SLC16A10: variants seen among roughly 807,000 people sequenced by gnomAD.
The protein encoded by SLC16A10 is solute carrier family 16 member 10, also known as monocarboxylate transporter 10.
SLC16A10 carries 27 observed loss-of-function variants against 40.0 expected under a neutral mutation model. That is an observed-to-expected ratio of 0.67 (90% CI 0.50 to 0.93). The LOEUF is 0.93. SLC16A10 is among the 40% of genes least tolerant of loss of function. The probability of loss-of-function intolerance (pLI) is 0.00; values close to 1 mark genes in which losing one functional copy is unlikely to be tolerated. For missense variants in SLC16A10, 529 were observed against 658.2 expected (o/e 0.80, Z 2.15); for synonymous variants, 213 against 249.8 (o/e 0.85, Z 1.39).
chr6:111,164,029 C>T (rs1772426657), intron 1 of SLC16A10, among the ~76,000 whole-genome samples: 1 of 152,146 alleles, frequency 6.6e-6, no homozygotes, highest in Non-Finnish European at 1.5e-5. Context: ...AAACCTTGTT[C>T]TTTTATTCTA....
rs562382826 is a variant in SLC16A10 at position 111,198,557 on chromosome 6, A to G, written c.943-8035A>G. ...TAGAGCCTATTGCTCCTAGGCTACA[A>G]ACCTGTACAGCATGTTACTGCACTG... On this transcript the variant is annotated intron_variant, in intron 3 of 5. Coordinates refer to ENST00000368851, the MANE Select transcript of SLC16A10 (RefSeq NM_018593.5). 2.6e-5 allele frequency among the ~76,000 whole-genome samples: 4 copies of G among 152,340 alleles called. No individual in the cohort carries two copies. The East Asian group carries it at 7.7e-4, about 29-fold the overall frequency.
At chr6:111,173,703 C>T (rs565236604) in intron 2 of SLC16A10, among the ~76,000 whole-genome samples, 3 of 152,188 alleles carry the variant, frequency 2.0e-5, no homozygotes, top group Admixed American at 1.3e-4. Context: ...AATCTAAATG[C>T]CTGATGATCT....
chr6:111,148,976 A>G (rs1393633710), intron 1 of SLC16A10, among the ~76,000 whole-genome samples: 3 of 152,132 alleles, frequency 2.0e-5, no homozygotes, highest in East Asian at 1.9e-4. Flanking sequence ...TTGATCGTCC[A>G]TGGTAGAATT....
intron 1 of SLC16A10, among the ~76,000 whole-genome samples, chr6:111,150,899 G>T (rs530629499): frequency 6.6e-6 from 1 of 152,254 alleles, no homozygotes; most frequent in African/African-American, 2.4e-5. Flanking sequence ...GCATATTTTT[G>T]ATCTCCACAA....
intron 1 of SLC16A10, among the ~76,000 whole-genome samples, chr6:111,162,748 G>A (rs1294865790): frequency 6.6e-6 from 1 of 152,146 alleles, no homozygotes. Flanking sequence ...TTACTCAATT[G>A]TTAAAAGCTA....
chr6:111,107,687 G>A (rs753972674), intron 1 of SLC16A10, among the ~76,000 whole-genome samples: 2 of 152,190 alleles, frequency 1.3e-5, no homozygotes, highest in Non-Finnish European at 2.9e-5. Flanking sequence ...TGATGCTGAA[G>A]ACAAAGCACA....
At chr6:111,169,267 G>A (rs1772538579) in intron 1 of SLC16A10, among the ~76,000 whole-genome samples, 1 of 152,216 alleles carries the variant, frequency 6.6e-6, no homozygotes, top group South Asian at 2.1e-4. Context: ...ATAGATGCCT[G>A]AAAGGGCAGT....
intron 4 of SLC16A10, among the ~76,000 whole-genome samples, chr6:111,216,318 A>C (rs1299770457): frequency 1.3e-5 from 2 of 152,212 alleles, no homozygotes. Context: ...GGCAAACAAA[A>C]GTCAGGAGAA....
In SLC16A10 at chr6:111,222,485, G is replaced by A. The variant is rs1583371847; in HGVS notation, c.*250G>A. ...TGAAAGTCACATATTGTGAAAATTT[G>A]AAGCTATCTCAGTAAAAAGCAGCTT... On this transcript the variant is annotated 3_prime_UTR_variant, in exon 6 of 6. Coordinates refer to ENST00000368851, the MANE Select transcript of SLC16A10 (RefSeq NM_018593.5). 1 of 382,650 alleles carries A rather than the reference G, an allele frequency of 2.6e-6. No homozygotes were observed. The highest frequency in any genetic ancestry group is 4.5e-6 in the Non-Finnish European group (1 of 220,766). 23.7% of individuals were successfully genotyped at this position (382,650 alleles called of 1,614,324 possible).
intron 1 of SLC16A10, among the ~76,000 whole-genome samples, chr6:111,136,736 C>T (rs947601039): frequency 3.3e-5 from 5 of 152,188 alleles, no homozygotes; most frequent in African/African-American, 1.2e-4. Flanking sequence ...AGAAAAAGGA[C>T]TTCGAAAAGC....
chr6:111,113,464 G>GTT (rs1041312507), intron 1 of SLC16A10, among the ~76,000 whole-genome samples: 6 of 152,062 alleles, frequency 3.9e-5, no homozygotes, highest in African/African-American at 1.4e-4. Context: ...GAGCTCTGGG[G>GTT]TTTTTTTTGT....
chr6:111,144,286 C>A (rs1226445117), intron 1 of SLC16A10, among the ~76,000 whole-genome samples: 2 of 152,194 alleles, frequency 1.3e-5, no homozygotes, highest in African/African-American at 4.8e-5. Flanking sequence ...TCACTGCAAG[C>A]TCTGCCTCCC....
intron 1 of SLC16A10, chr6:111,091,269 ATCT>A (rs1185257150): frequency 1.3e-5 from 2 of 152,152 alleles, no homozygotes; most frequent in Admixed American, 1.3e-4. Context: ...GGTCACGCTA[ATCT>A]TCTCTGTGTC....
intron 1 of SLC16A10, among the ~76,000 whole-genome samples, chr6:111,125,584 G>A (rs904119502): frequency 6.6e-6 from 1 of 152,064 alleles, no homozygotes; most frequent in Non-Finnish European, 1.5e-5. Flanking sequence ...AGTCTGAATA[G>A]AGGCATGTAA....
chr6:111,115,368 C>T (rs1771467000), intron 1 of SLC16A10, among the ~76,000 whole-genome samples: 1 of 152,178 alleles, frequency 6.6e-6, no homozygotes, highest in African/African-American at 2.4e-5. Context: ...TGCCATCACG[C>T]CGGCTAATTT....
At chr6:111,192,865 A>G (rs1240846589) in intron 3 of SLC16A10, among the ~76,000 whole-genome samples, 5 of 152,196 alleles carry the variant, frequency 3.3e-5, no homozygotes, top group East Asian at 1.9e-4. Context: ...CCATGATTCA[A>G]TTAAGTCCCA....
intron 1 of SLC16A10, among the ~76,000 whole-genome samples, chr6:111,132,986 T>C (rs561541754): frequency 6.6e-6 from 1 of 152,196 alleles, no homozygotes; most frequent in Non-Finnish European, 1.5e-5. Context: ...ACTCAAAAGG[T>C]TACCTACACC....
In SLC16A10 at chr6:111,172,689, T is replaced by G; in HGVS notation, c.344-6T>G. On this transcript the variant is annotated splice_polypyrimidine_tract_variant and splice_region_variant and intron_variant, in intron 1 of 5. Transcript: ENST00000368851. ...AATTCCCCCCACGCTTTCCCTTCTT[T>G]TACAGCATGGGTAGGTTCTCTCTCC... is the stretch of plus-strand genomic sequence containing the variant. 6.2e-7 allele frequency: 1 copy of G among 1,611,004 alleles called. No individual in the cohort carries two copies. Among genetic ancestry groups the G allele is most frequent in the Non-Finnish European group, 8.5e-7 (1 of 1,177,660 alleles).
At chr6:111,149,696 G>C (rs761410835) in intron 1 of SLC16A10, among the ~76,000 whole-genome samples, 3 of 151,980 alleles carry the variant, frequency 2.0e-5, no homozygotes, top group Non-Finnish European at 4.4e-5. Flanking sequence ...ATTTCTTATG[G>C]TTATCTTCAT....
Sources: allele counts gnomAD v4.1 joint callset (sites outside exome capture counted in the v4.1 genomes callset), GRCh38; gene constraint gnomAD v4.1.1; transcripts MANE v1.5; gene names NCBI Gene and HGNC (gene_info 2026-07-23, HGNC 2026-07-21).